GRM7: variants seen among roughly 807,000 people sequenced by gnomAD.
The protein encoded by GRM7 is metabotropic glutamate receptor 7.
Under a neutral mutation model 84.5 loss-of-function variants are expected in GRM7, and 35 were observed. The ratio of observed to expected loss-of-function variants is 0.41; its 90% CI spans 0.32 to 0.55. The LOEUF (loss-of-function observed/expected upper bound fraction) is 0.55, where lower values mean the gene tolerates loss of function less well. Ranked by LOEUF, GRM7 falls within the 20% of genes least tolerant of loss-of-function variation. The pLI, the probability that GRM7 is intolerant of heterozygous loss-of-function variation, is 0.19. For synonymous variants in GRM7, 487 were observed against 455.1 expected, an observed-to-expected ratio of 1.07 and a Z score of -0.89; for missense variants, 1,003 against 1,194.6, an observed-to-expected ratio of 0.84 and a Z score of 2.36.
chr3:6,996,222 G>A (rs745599046), intron 1 of GRM7, among the ~76,000 whole-genome samples: 3 of 151,912 alleles, frequency 2.0e-5, no homozygotes, highest in African/African-American at 7.3e-5. Flanking sequence ...CTCAATTTTT[G>A]TATTTTAAGT....
At chr3:7,149,539 C>T (rs988520243) in intron 2 of GRM7, among the ~76,000 whole-genome samples, 2 of 152,054 alleles carry the variant, frequency 1.3e-5, no homozygotes, top group Admixed American at 6.6e-5. Context: ...TTTTTCTTTA[C>T]CTGCAGGCTC....
intron 2 of GRM7, among the ~76,000 whole-genome samples, chr3:7,232,894 T>G (rs2124903952): frequency 6.6e-6 from 1 of 152,262 alleles, no homozygotes; most frequent in Non-Finnish European, 1.5e-5. Context: ...AGGTGACTTC[T>G]TTCTTCGAAT....
chr3:7,186,651 G>T (rs1695525536), intron 2 of GRM7, among the ~76,000 whole-genome samples: 1 of 152,100 alleles, frequency 6.6e-6, no homozygotes, highest in South Asian at 2.1e-4. Context: ...TATCTATCTT[G>T]CATGATTTTG....
chr3:7,386,651 A>C (rs1272279308), intron 4 of GRM7, among the ~76,000 whole-genome samples: 3 of 152,190 alleles, frequency 2.0e-5, no homozygotes, highest in African/African-American at 7.2e-5. Flanking sequence ...TATATGTACC[A>C]CATCATCCAA....
At chr3:7,295,827 T>TTG (rs1699794715) in intron 2 of GRM7, among the ~76,000 whole-genome samples, 1 of 150,766 alleles carries the variant, frequency 6.6e-6, no homozygotes, top group Non-Finnish European at 1.5e-5. Flanking sequence ...AGCTTTTTTT[T>TTG]GGGGGGGGGA....
intron 4 of GRM7, among the ~76,000 whole-genome samples, chr3:7,379,104 G>A (rs572204037): frequency 1.8e-4 from 27 of 152,098 alleles, no homozygotes; most frequent in African/African-American, 2.4e-4. Flanking sequence ...ATGGAGTCTC[G>A]CTCTGTTGCT....
intron 4 of GRM7, among the ~76,000 whole-genome samples, chr3:7,319,656 G>T (rs1402065425): frequency 1.3e-5 from 2 of 151,916 alleles, no homozygotes; most frequent in Non-Finnish European, 2.9e-5. Flanking sequence ...TATCTACTTA[G>T]GTTCAGCCTG....
chr3:7,599,356 C>T (rs149258206), intron 8 of GRM7, among the ~76,000 whole-genome samples: 20 of 152,200 alleles, frequency 1.3e-4, no homozygotes, highest in African/African-American at 4.6e-4. Context: ...ATTTACTTCA[C>T]CCTGGCTATT....
intron 1 of GRM7, among the ~76,000 whole-genome samples, chr3:7,066,696 A>G (rs1036742331): frequency 1.3e-5 from 2 of 151,900 alleles, no homozygotes; most frequent in Admixed American, 1.3e-4. Context: ...TCCTAATACC[A>G]AAAACCAGGA....
At chr3:7,131,532 T>C (rs186914249) in intron 1 of GRM7, among the ~76,000 whole-genome samples, 2 of 152,092 alleles carry the variant, frequency 1.3e-5, no homozygotes, top group African/African-American at 4.8e-5. Context: ...AGGTTGGAGT[T>C]CAGTGGCACG....
At chr3:7,552,307 T>C (rs1445679850) in intron 7 of GRM7, among the ~76,000 whole-genome samples, 1 of 152,222 alleles carries the variant, frequency 6.6e-6, no homozygotes, top group African/African-American at 2.4e-5. Flanking sequence ...TCCTGGTTGC[T>C]TTCATCGGCT....
At chr3:6,876,078 GC>G (rs1695288907) in intron 1 of GRM7, among the ~76,000 whole-genome samples, 1 of 152,008 alleles carries the variant, frequency 6.6e-6, no homozygotes, top group South Asian at 2.1e-4. Flanking sequence ...AACCAGCCTG[GC>G]CAACATGGTG....
At chr3:7,195,974 T>TTAACTGATTAG (rs1695865625) in intron 2 of GRM7, among the ~76,000 whole-genome samples, 14 of 152,258 alleles carry the variant, frequency 9.2e-5, no homozygotes, top group African/African-American at 3.1e-4. Flanking sequence ...CAGGTATACT[T>TTAACTGATTAG]GTATATCTAT....
chr3:6,867,794 A>T (rs962374362), intron 1 of GRM7, among the ~76,000 whole-genome samples: 7 of 152,230 alleles, frequency 4.6e-5, no homozygotes, highest in Non-Finnish European at 2.9e-5. Flanking sequence ...TTTTCTGCAC[A>T]TAAAAAATCA....
intron 1 of GRM7, among the ~76,000 whole-genome samples, chr3:7,058,891 G>T (rs1327690574): frequency 1.3e-5 from 2 of 151,862 alleles, no homozygotes; most frequent in Non-Finnish European, 2.9e-5. Context: ...CTTGTAGAAT[G>T]CTAAGAAAGG....
intron 1 of GRM7, among the ~76,000 whole-genome samples, chr3:6,939,905 T>A (rs535146): frequency 0.36 from 54,513 of 151,874 alleles, 9,814 homozygotes; most frequent in Admixed American, 0.39. Flanking sequence ...ATTTCATGAT[T>A]TACAAAATGA....
chr3:7,429,046 A>G (rs1248106462), intron 5 of GRM7, among the ~76,000 whole-genome samples: 1 of 152,186 alleles, frequency 6.6e-6, no homozygotes, highest in Non-Finnish European at 1.5e-5. Flanking sequence ...GGAGTAGTAA[A>G]GAACAAAGAC....
intron 8 of GRM7, among the ~76,000 whole-genome samples, chr3:7,656,979 C>A (rs542056897): frequency 1.3e-5 from 2 of 152,132 alleles, no homozygotes; most frequent in African/African-American, 4.8e-5. Flanking sequence ...GAGTGAAGTA[C>A]AAACATATTT....
chr3:7,167,751 C>T lies in GRM7; in HGVS notation c.736+21083C>T, dbSNP rs970623092. 2.7e-4 allele frequency among the ~76,000 whole-genome samples: 41 copies of T among 151,892 alleles called. 3 individuals carry two copies. Among genetic ancestry groups the T allele is most frequent in the Admixed American group, 1.4e-3 (21 of 15,258 alleles). ...TTGGGAGGCCGAGGCGGGCGGATCACGAGGTCAGGAGATTGAGACCATCCT... is the reference window on the plus strand; with the variant it reads ...TTGGGAGGCCGAGGCGGGCGGATCATGAGGTCAGGAGATTGAGACCATCCT... On this transcript the variant is annotated intron_variant, in intron 2 of 9. Coordinates refer to ENST00000357716, the MANE Select transcript of GRM7 (RefSeq NM_000844.4).
Sources: allele counts gnomAD v4.1 joint callset (sites outside exome capture counted in the v4.1 genomes callset), GRCh38; gene constraint gnomAD v4.1.1; transcripts MANE v1.5; gene names NCBI Gene and HGNC (gene_info 2026-07-23, HGNC 2026-07-21).